TMEM135: variants seen among roughly 807,000 people sequenced by gnomAD.
The protein encoded by TMEM135 is transmembrane protein 135.
TMEM135 carries 30 observed loss-of-function variants against 60.3 expected under a neutral mutation model. The ratio of observed to expected loss-of-function variants is 0.50; its 90% CI spans 0.37 to 0.68. TMEM135 has a LOEUF of 0.68. TMEM135 is among the 30% of genes least tolerant of loss of function. The pLI, the probability that TMEM135 is intolerant of heterozygous loss-of-function variation, is 0.00. For missense variants in TMEM135, 468 were observed against 548.8 expected (o/e 0.85, Z 1.47); for synonymous variants, 190 against 186.7 (o/e 1.02, Z -0.14).
intron 5 of TMEM135, chr11:87,178,465 T>C (rs1050813943): frequency 4.4e-6 from 2 of 456,230 alleles, no homozygotes; most frequent in East Asian, 1.4e-4. Flanking sequence ...AGATGGAGTC[T>C]CACTGTCTTC....
At chr11:87,247,055 A>T (rs1431814075) in intron 6 of TMEM135, among the ~76,000 whole-genome samples, 2 of 147,322 alleles carry the variant, frequency 1.4e-5, no homozygotes, top group Non-Finnish European at 3.0e-5. Flanking sequence ...TCTGTTTGTT[A>T]GTTTTCCTTC....
intron 5 of TMEM135, among the ~76,000 whole-genome samples, chr11:87,219,227 C>T (rs1940566950): frequency 6.6e-6 from 1 of 152,108 alleles, no homozygotes; most frequent in South Asian, 2.1e-4. Context: ...GTAGAAATCA[C>T]CTAAATTTTG....
chr11:87,275,559 C>T (rs1016366483), intron 6 of TMEM135, among the ~76,000 whole-genome samples: 3 of 151,988 alleles, frequency 2.0e-5, no homozygotes, highest in Non-Finnish European at 4.4e-5. Flanking sequence ...AAAATATAGC[C>T]CACACATGCA....
At chr11:87,253,510 C>T (rs1467804542) in intron 6 of TMEM135, among the ~76,000 whole-genome samples, 2 of 151,762 alleles carry the variant, frequency 1.3e-5, no homozygotes. Flanking sequence ...AAAACTCACA[C>T]CACTAATATG....
intron 5 of TMEM135, among the ~76,000 whole-genome samples, chr11:87,223,418 C>T (rs1018379992): frequency 2.0e-5 from 3 of 152,046 alleles, no homozygotes; most frequent in Non-Finnish European, 4.4e-5. Context: ...GATCTGCCTG[C>T]CTTGGTCTCC....
At chr11:87,261,050 G>T (rs1248398314) in intron 6 of TMEM135, among the ~76,000 whole-genome samples, 3 of 152,138 alleles carry the variant, frequency 2.0e-5, no homozygotes, top group African/African-American at 4.8e-5. Context: ...AAATTCCAGA[G>T]AATTTAATTC....
At chr11:87,298,548 G>A (rs1425790001) in intron 7 of TMEM135, among the ~76,000 whole-genome samples, 3 of 152,202 alleles carry the variant, frequency 2.0e-5, no homozygotes, top group East Asian at 3.9e-4. Flanking sequence ...CAGCACTTTG[G>A]GAGGCCAAGG....
At chr11:87,300,411 A>G (rs1294534285) in intron 7 of TMEM135, among the ~76,000 whole-genome samples, 1 of 152,228 alleles carries the variant, frequency 6.6e-6, no homozygotes, top group Non-Finnish European at 1.5e-5. Context: ...ATAGTTAGAA[A>G]TATATGTAGC....
At chr11:87,293,574 A>G (rs142144549) in intron 6 of TMEM135, among the ~76,000 whole-genome samples, 4,236 of 152,014 alleles carry the variant, frequency 0.028, 70 homozygotes, top group Admixed American at 0.043. Flanking sequence ...TGTGTTCTCA[A>G]TGTTCAACTC....
intron 6 of TMEM135, among the ~76,000 whole-genome samples, chr11:87,283,177 A>G (rs931986096): frequency 6.6e-6 from 1 of 151,912 alleles, no homozygotes; most frequent in Non-Finnish European, 1.5e-5. Flanking sequence ...TCTACTGAAA[A>G]TACAAAATTA....
intron 4 of TMEM135, among the ~76,000 whole-genome samples, chr11:87,149,016 A>G (rs191376828): frequency 6.6e-6 from 1 of 151,596 alleles, no homozygotes; most frequent in Non-Finnish European, 1.5e-5. Flanking sequence ...ACTTAGCACC[A>G]AATCCCCCCA....
chr11:87,296,808 A>G (rs983477928), intron 7 of TMEM135, among the ~76,000 whole-genome samples: 3 of 152,140 alleles, frequency 2.0e-5, no homozygotes, highest in Admixed American at 2.0e-4. Flanking sequence ...GAGGAAGTGC[A>G]CTCTGGGTGG....
intron 4 of TMEM135, among the ~76,000 whole-genome samples, chr11:87,111,666 A>AAAAAAGAAAAAGAAAAAG (rs1555105255): frequency 2.3e-5 from 3 of 130,954 alleles, no homozygotes; most frequent in Non-Finnish European, 3.2e-5. Flanking sequence ...AAAAAAAAAA[A>AAAAAAGAAAAAGAAAAAG]AAAAAGAAAA....
At chr11:87,089,238 T>C (rs1857157476) in intron 3 of TMEM135, among the ~76,000 whole-genome samples, 1 of 152,192 alleles carries the variant, frequency 6.6e-6, no homozygotes, top group Admixed American at 6.5e-5. Context: ...CATTTCACCT[T>C]GAAATGCATT....
chr11:87,172,743 T>C (rs1471527796), intron 5 of TMEM135, among the ~76,000 whole-genome samples: 1 of 152,016 alleles, frequency 6.6e-6, no homozygotes, highest in Non-Finnish European at 1.5e-5. Flanking sequence ...GATAAGTATA[T>C]CTTTATGGAT....
intron 3 of TMEM135, among the ~76,000 whole-genome samples, chr11:87,082,980 A>T (rs901688081): frequency 2.6e-5 from 4 of 152,226 alleles, no homozygotes; most frequent in Non-Finnish European, 4.4e-5. Context: ...CTATCTGGAT[A>T]TAGATATAAA....
chr11:87,047,332 A>G (rs149589650), intron 1 of TMEM135, among the ~76,000 whole-genome samples: 3 of 152,230 alleles, frequency 2.0e-5, no homozygotes, highest in African/African-American at 7.2e-5. Context: ...CCGAATAGGA[A>G]CAGCTCCGGT....
intron 5 of TMEM135, among the ~76,000 whole-genome samples, chr11:87,214,423 GT>G (rs2135346790): frequency 6.6e-6 from 1 of 152,298 alleles, no homozygotes; most frequent in South Asian, 2.1e-4. Flanking sequence ...GGCAGGATTA[GT>G]TGTAGGCATG....
intron 5 of TMEM135, 138 bp downstream of exon 5, chr11:87,157,544 G>C (rs1938735474): frequency 1.4e-6 from 1 of 705,406 alleles, no homozygotes; most frequent in Non-Finnish European, 2.4e-6. Context: ...GAGTGTACCT[G>C]ATGAACAAAT....
Sources: gnomAD v4.1 joint callset for allele counts (sites outside exome capture counted in the v4.1 genomes callset) on GRCh38, gnomAD v4.1.1 for gene constraint, MANE v1.5 for transcripts, NCBI Gene and HGNC (gene_info 2026-07-23, HGNC 2026-07-21) for gene names.